Variants in ERC2 observed in about 807,000 individuals in gnomAD.
ERC2 encodes the protein ERC protein 2.
A neutral mutation model predicts 114.8 loss-of-function variants in ERC2; 42 were observed. The observed-to-expected ratio is 0.37, with a 90% CI of 0.29 to 0.47. The LOEUF (loss-of-function observed/expected upper bound fraction) is 0.47, where lower values mean the gene tolerates loss of function less well. Among genes scored for constraint, ERC2 ranks in the 20% least tolerant of loss-of-function variants. ERC2 has a pLI of 0.99. For missense variants in ERC2, 939 were observed against 1,150.7 expected (o/e 0.82, Z 2.66); for synonymous variants, 454 against 425.5 (o/e 1.07, Z -0.82).
intron 11 of ERC2, among the ~76,000 whole-genome samples, chr3:55,990,232 T>C (rs1295171561): frequency 6.6e-6 from 1 of 152,000 alleles, no homozygotes; most frequent in Non-Finnish European, 1.5e-5. Context: ...TTGGGATAGT[T>C]ACCTCAAAAA....
In ERC2 at chr3:56,173,500, T is replaced by G; in HGVS notation, c.1095A>C (p.Gln365His). Reference protein sequence around the residue: ...HLREELHRRSQLQPEPAKTKA... With the variant: ...HLREELHRRSHLQPEPAKTKA... ...TCGTCTTGGCTGGCTCCGGCTGAAGTTGGCTTCTTCGGTGCAATTCCTGGG... is the reference window on the plus strand; with the variant it reads ...TCGTCTTGGCTGGCTCCGGCTGAAGGTGGCTTCTTCGGTGCAATTCCTGGG... The change falls in exon 4 of 18, where the codon CAA becomes CAC. Residue 365 changes from glutamine (Q) to histidine (H), a missense_variant. Physicochemically the swap from Gln to His is conservative, Grantham distance 24 (BLOSUM62 0). Around this residue, in one of 5 missense-constraint regions of ERC2, gnomAD observed 148 missense variants for 159.1 expected, o/e 0.93. Coordinates refer to ENST00000288221, the MANE Select transcript of ERC2 (RefSeq NM_015576.3). 13 of 1,613,952 alleles carry G rather than the reference T, an allele frequency of 8.1e-6. No homozygotes were observed. The highest frequency in any genetic ancestry group is 1.1e-5 in the Non-Finnish European group (13 of 1,179,852).
chr3:55,614,572 T>A (rs112988697), intron 17 of ERC2, among the ~76,000 whole-genome samples: 2,482 of 152,306 alleles, frequency 0.016, 77 homozygotes, highest in African/African-American at 0.057. Flanking sequence ...CCCAATTATA[T>A]GAATTTTCCT....
At chr3:56,414,042 A>G (rs2061045970) in intron 2 of ERC2, among the ~76,000 whole-genome samples, 1 of 152,204 alleles carries the variant, frequency 6.6e-6, no homozygotes, top group Non-Finnish European at 1.5e-5. Flanking sequence ...TTTCATCACA[A>G]TTCTGCCTGT....
At chr3:55,788,330 A>G (rs999958089) in intron 14 of ERC2, among the ~76,000 whole-genome samples, 2 of 152,124 alleles carry the variant, frequency 1.3e-5, no homozygotes, top group African/African-American at 4.8e-5. Flanking sequence ...AGCAGGAGCC[A>G]CTCTGCAAAG....
chr3:55,757,636 T>C (rs2067144529), intron 14 of ERC2, among the ~76,000 whole-genome samples: 2 of 152,148 alleles, frequency 1.3e-5, no homozygotes, highest in Admixed American at 6.5e-5. Flanking sequence ...AGATACTATA[T>C]ATAAAGAGCT....
intron 17 of ERC2, among the ~76,000 whole-genome samples, chr3:55,562,341 C>T (rs1375701214): frequency 2.0e-5 from 3 of 152,012 alleles, no homozygotes; most frequent in South Asian, 2.1e-4. Flanking sequence ...TTAGTAGAGA[C>T]GGGGTTTCAC....
rs569442449 is a variant in ERC2 at position 56,019,282 on chromosome 3, G to A, written c.1642-251C>T. Among the ~76,000 whole-genome samples the A allele has an allele frequency of 3.9e-4, 59 of 152,200 alleles. 1 individual carries two copies. The highest frequency in any genetic ancestry group is 3.9e-4 in the East Asian group (2 of 5,160). On this transcript the variant is annotated intron_variant, in intron 7 of 17. Coordinates refer to ENST00000288221, the MANE Select transcript of ERC2 (RefSeq NM_015576.3). Reference sequence around the variant, plus strand: ...ATACAACGGTAAGCCCTTCTGACACGTACGTAATCACTATTATTTCTTTGT... The same window carrying A: ...ATACAACGGTAAGCCCTTCTGACACATACGTAATCACTATTATTTCTTTGT...
chr3:56,446,872 C>T (rs1025279569), intron 1 of ERC2, among the ~76,000 whole-genome samples: 3 of 152,016 alleles, frequency 2.0e-5, no homozygotes, highest in East Asian at 1.9e-4. Context: ...AGTGATCCTC[C>T]GGCCTCAGCC....
chr3:56,160,852 C>T (rs1051752033), intron 4 of ERC2, among the ~76,000 whole-genome samples: 2 of 152,118 alleles, frequency 1.3e-5, no homozygotes, highest in African/African-American at 4.8e-5. Flanking sequence ...TGTTTTTATA[C>T]CAATACTATG....
intron 2 of ERC2, among the ~76,000 whole-genome samples, chr3:56,329,275 CTATAGGCTGT>C (rs1360432040): frequency 1.3e-5 from 2 of 152,158 alleles, no homozygotes; most frequent in East Asian, 3.9e-4. Context: ...TCTGTCCAAT[CTATAGGCTGT>C]TGAGAACAGT....
intron 1 of ERC2, among the ~76,000 whole-genome samples, chr3:56,444,390 C>A (rs1376668671): frequency 6.6e-6 from 1 of 151,894 alleles, no homozygotes; most frequent in Non-Finnish European, 1.5e-5. Flanking sequence ...ATTATAACAC[C>A]AAAAAAATTA....
chr3:55,905,159 C>A (rs1559847733), intron 13 of ERC2, among the ~76,000 whole-genome samples: 1 of 152,236 alleles, frequency 6.6e-6, no homozygotes, highest in Non-Finnish European at 1.5e-5. Context: ...CGGCTCACTG[C>A]AACCTCTGCC....
chr3:55,601,713 G>T (rs2058414758), intron 17 of ERC2, among the ~76,000 whole-genome samples: 1 of 152,206 alleles, frequency 6.6e-6, no homozygotes, highest in Admixed American at 6.5e-5. Flanking sequence ...ATGTCTGTAA[G>T]CACTTTGGGA....
chr3:55,766,273 GAAAAAAA>G (rs35962584), intron 14 of ERC2, among the ~76,000 whole-genome samples: 16 of 95,138 alleles, frequency 1.7e-4, no homozygotes, highest in Non-Finnish European at 3.8e-4. Context: ...CTCTCCACAA[GAAAAAAA>G]AAAAAAAAAA....
intron 14 of ERC2, among the ~76,000 whole-genome samples, chr3:55,826,399 GAC>G (rs2060328371): frequency 6.6e-6 from 1 of 152,138 alleles, no homozygotes; most frequent in Non-Finnish European, 1.5e-5. Flanking sequence ...CCAGAATCTG[GAC>G]TCAGAATACC....
Position 55,882,961 on chromosome 3 carries a change from T to C in ERC2, c.2564+5428A>G, listed in dbSNP as rs567392103. 5.3e-5 allele frequency among the ~76,000 whole-genome samples: 8 copies of C among 152,342 alleles called. No homozygotes were observed. In the East Asian group the frequency reaches 1.3e-3, roughly 26 times the overall value. On this transcript the variant is annotated intron_variant, in intron 14 of 17. Transcript: ENST00000288221. ...TTCTAAGTGGGATTCCAAACCTCTTTGGTTACATAAGAAACTACTTTATCT... is the reference window on the plus strand; with the variant it reads ...TTCTAAGTGGGATTCCAAACCTCTTCGGTTACATAAGAAACTACTTTATCT...
intron 1 of ERC2, among the ~76,000 whole-genome samples, chr3:56,435,695 T>C (rs1247118547): frequency 6.6e-6 from 1 of 152,212 alleles, no homozygotes; most frequent in Non-Finnish European, 1.5e-5. Flanking sequence ...GGTTCAGAAT[T>C]CTTCTCAACA....
At chr3:55,846,683 C>T (rs2061376129) in intron 14 of ERC2, among the ~76,000 whole-genome samples, 1 of 132,602 alleles carries the variant, frequency 7.5e-6, no homozygotes, top group African/African-American at 3.2e-5. Flanking sequence ...CTCTCTCTCT[C>T]TCTCTCTCTT....
At chr3:56,219,903 G>A (rs1320765004) in intron 3 of ERC2, among the ~76,000 whole-genome samples, 2 of 152,088 alleles carry the variant, frequency 1.3e-5, no homozygotes, top group African/African-American at 4.8e-5. Context: ...TCCCATTTTG[G>A]CATTCATAAA....
Sources: gnomAD v4.1 joint callset for allele counts (sites outside exome capture counted in the v4.1 genomes callset) on GRCh38, gnomAD v4.1.1 for gene constraint, gnomAD v4.1.1 regional missense constraint, MANE v1.5 for transcripts, NCBI Gene and HGNC (gene_info 2026-07-23, HGNC 2026-07-21) for gene names.